Variants in PHLPP2 observed in about 807,000 individuals in gnomAD.
PHLPP2 encodes the protein PH domain leucine-rich repeat-containing protein phosphatase 2.
PHLPP2 carries 66 observed loss-of-function variants against 124.9 expected under a neutral mutation model. That is an observed-to-expected ratio of 0.53 (90% CI 0.43 to 0.65). The LOEUF is 0.65. Among genes scored for constraint, PHLPP2 ranks in the 30% least tolerant of loss-of-function variants. PHLPP2 has a pLI of 0.00. For synonymous variants in PHLPP2, 681 were observed against 624.7 expected (o/e 1.09, Z -1.34); for missense variants, 1,685 against 1,600.4 (o/e 1.05, Z -0.90).
rs79869651 is a variant in PHLPP2, at chr16:71,721,866, T to C, written c.-7+2463A>G. Among the ~76,000 whole-genome samples the C allele has an allele frequency of 8.5e-3, 1,289 of 152,324 alleles. 7 individuals carry two copies. The highest frequency in any genetic ancestry group is 0.014 in the Non-Finnish European group (938 of 68,016). On this transcript the variant is annotated intron_variant, in intron 1 of 18. Coordinates refer to ENST00000568954, the MANE Select transcript of PHLPP2 (RefSeq NM_015020.3). Reference sequence around the variant, plus strand: ...TCTGGGGGCACATTTTGAAGGAAATTTTCCAGTATCCCAGGATAGATGGAA... The same window carrying C: ...TCTGGGGGCACATTTTGAAGGAAATCTTCCAGTATCCCAGGATAGATGGAA...
chr16:71,699,911 A>G (rs1225993764), intron 3 of PHLPP2, among the ~76,000 whole-genome samples: 1 of 152,158 alleles, frequency 6.6e-6, no homozygotes, highest in Non-Finnish European at 1.5e-5. Context: ...GCTACATCCC[A>G]CAAAGGGTGG....
At position 71,648,906 on chromosome 16, in the gene PHLPP2, A is replaced by C. The variant is rs1310768997; in HGVS notation, c.3956T>G (p.Phe1319Cys). 1 of 1,612,158 alleles carries C rather than the reference A, an allele frequency of 6.2e-7. No individual in the cohort carries two copies. The highest frequency in any genetic ancestry group is 1.3e-5 in the African/African-American group (1 of 74,850). Residue 1319 changes from phenylalanine to cysteine, a missense_variant, in exon 19 of 19, where the codon TTC becomes TGC. By Grantham distance (205) the Phe-to-Cys change is radical. Coordinates refer to ENST00000568954, the MANE Select transcript of PHLPP2 (RefSeq NM_015020.3). ...EEDRTEPPEE[F>C]DTAL The stretch of plus-strand genomic sequence containing the variant: ...GTGGGGCAGTCATAGTGCTGTGTCG[A>C]ACTCCTCCGGGGGCTCGGTCCGATC...
rs2044733077 is a variant in PHLPP2, at chr16:71,655,329, C to G, written c.2496G>C (p.Gln832His). ...DRNEELPRLLQCTMADVLLEE... is the reference protein window; with the variant it reads ...DRNEELPRLLHCTMADVLLEE... Reference sequence around the variant, plus strand: ...CTAAAAGCACATCTGCCATCGTACACTGCAGCAGGCGCGGGAGCTCCTCAT... The same window carrying G: ...CTAAAAGCACATCTGCCATCGTACAGTGCAGCAGGCGCGGGAGCTCCTCAT... The change falls in exon 17 of 19, where the codon CAG (glutamine) becomes CAC (histidine). Residue 832 changes from glutamine (Q) to histidine (H), a missense_variant. Gln to His is a conservative substitution (Grantham distance 24, BLOSUM62 0). Coordinates refer to ENST00000568954, the MANE Select transcript of PHLPP2 (RefSeq NM_015020.3). 6.2e-7 allele frequency: 1 copy of G among 1,613,926 alleles called. No individual in the cohort carries two copies. The highest frequency in any genetic ancestry group is 1.7e-5 in the Admixed American group (1 of 59,998).
intron 4 of PHLPP2, among the ~76,000 whole-genome samples, chr16:71,689,037 G>GT (rs1567622543): frequency 6.6e-6 from 1 of 152,038 alleles, no homozygotes; most frequent in Non-Finnish European, 1.5e-5. Flanking sequence ...GCATTAGGCC[G>GT]TAAGACTAAC....
chr16:71,683,793 C>T (rs1247197110), intron 5 of PHLPP2, among the ~76,000 whole-genome samples: 1 of 151,802 alleles, frequency 6.6e-6, no homozygotes, highest in African/African-American at 2.4e-5. Flanking sequence ...CTTTTCTTGT[C>T]TTTTGTTTTT....
chr16:71,685,424 T>C (rs1033072625), intron 4 of PHLPP2, among the ~76,000 whole-genome samples: 1 of 152,222 alleles, frequency 6.6e-6, no homozygotes, highest in Non-Finnish European at 1.5e-5. Context: ...CACTTACATC[T>C]TTTTGTCTGG....
Position 71,658,750 on chromosome 16 carries a change from G to A in PHLPP2, c.2051C>T (p.Pro684Leu). 2 of 1,614,088 alleles carry A rather than the reference G, an allele frequency of 1.2e-6. No homozygotes were observed. The highest frequency in any genetic ancestry group is 1.7e-6 in the Non-Finnish European group (2 of 1,180,012). ...NLSGNKLKTI[P>L]TTIANCKRLH... ...CCTTTTACAGTTTGCTATGGTTGTGGGAATGGTTTTAAGCTTGTTGCCACT... is the reference window on the plus strand; with the variant it reads ...CCTTTTACAGTTTGCTATGGTTGTGAGAATGGTTTTAAGCTTGTTGCCACT... Residue 684 changes from proline (P) to leucine (L), a missense_variant, in exon 14 of 19, where the codon CCC becomes CTC. Coordinates refer to ENST00000568954, the MANE Select transcript of PHLPP2 (RefSeq NM_015020.3).
rs538332256 is a variant in PHLPP2 at position 71,672,301 on chromosome 16, T to C, written c.1493A>G (p.Tyr498Cys). The C allele has an allele frequency of 2.0e-5, 33 of 1,613,724 alleles. No individual in the cohort carries two copies. The highest frequency in any genetic ancestry group is 2.0e-4 in the South Asian group (18 of 91,048). Residue 498 changes from tyrosine to cysteine, a missense_variant, in exon 10 of 19, where the codon TAT becomes TGT. Physicochemically the swap from Tyr to Cys is radical, Grantham distance 194 (BLOSUM62 -2). Coordinates refer to ENST00000568954, the MANE Select transcript of PHLPP2 (RefSeq NM_015020.3). ...SSNRLTAVNVYPVPSLLTFLD... is the reference protein window; with the variant it reads ...SSNRLTAVNVCPVPSLLTFLD... ...GAAAGTGAGCAGGCTGGGTACTGGATAGACGTTCACTGCTGTCAGCCCTAA... is the reference window on the plus strand; with the variant it reads ...GAAAGTGAGCAGGCTGGGTACTGGACAGACGTTCACTGCTGTCAGCCCTAA...
chr16:71,720,479 A>G (rs942362910), intron 1 of PHLPP2, among the ~76,000 whole-genome samples: 1 of 152,184 alleles, frequency 6.6e-6, no homozygotes, highest in African/African-American at 2.4e-5. Context: ...CAAAGGTGAT[A>G]TACTATTACA....
chr16:71,698,195 A>G (rs1267760714), intron 3 of PHLPP2, among the ~76,000 whole-genome samples: 1 of 152,136 alleles, frequency 6.6e-6, no homozygotes, highest in Non-Finnish European at 1.5e-5. Context: ...AGCACAGTGG[A>G]AGCCCTCACA....
At chr16:71,673,485 G>A (rs72799894) in intron 9 of PHLPP2, among the ~76,000 whole-genome samples, 16,502 of 152,056 alleles carry the variant, frequency 0.11, 1,325 homozygotes, top group South Asian at 0.38. Flanking sequence ...GTAAAGCAGA[G>A]TTCTTGACTT....
rs534810529 is a variant in PHLPP2, at chr16:71,713,868, A to G, written c.284+644T>C. 1.9e-4 allele frequency among the ~76,000 whole-genome samples: 29 copies of G among 151,682 alleles called. No homozygotes were observed. The South Asian group carries it at 2.5e-3, about 13-fold the overall frequency. ...TGGGTAGTTGGGGAATGAGGGACAG[A>G]AAAGTACTTCTCACTCTATACCCTT... is the stretch of plus-strand genomic sequence containing the variant. On this transcript the variant is annotated intron_variant, in intron 2 of 18. Transcript: ENST00000568954.
intron 6 of PHLPP2, 61 bp downstream of exon 6, chr16:71,681,690 A>G (rs2045000015): frequency 3.7e-6 from 5 of 1,345,382 alleles, no homozygotes; most frequent in Admixed American, 4.4e-5. Flanking sequence ...GGTAGAAGCC[A>G]TAAGATACTG....
rs112185530 is a variant in PHLPP2, at chr16:71,698,261, G to A, written c.418+4337C>T. ...CACTACTGGGGATGTAACTGACCCC[G>A]CAGCCATCTGGGATGAGCTGCTTCT... On this transcript the variant is annotated intron_variant, in intron 3 of 18. Transcript: ENST00000568954. Among the ~76,000 whole-genome samples the A allele has an allele frequency of 1.1e-4, 16 of 152,278 alleles. 1 individual carries two copies. Among genetic ancestry groups the A allele is most frequent in the African/African-American group, 2.2e-4 (9 of 41,556 alleles).
chr16:71,680,042 C>A (rs1274578429), intron 6 of PHLPP2, among the ~76,000 whole-genome samples: 1 of 151,494 alleles, frequency 6.6e-6, no homozygotes, highest in Non-Finnish European at 1.5e-5. Flanking sequence ...GACATTGCGC[C>A]ACTGCACTCC....
rs372040747 is a variant in PHLPP2, at chr16:71,648,766, G to A, written c.*124C>T. 9.7e-5 allele frequency: 72 copies of A among 744,610 alleles called. 1 individual carries two copies. Among genetic ancestry groups the A allele is most frequent in the East Asian group, 4.7e-4 (19 of 40,180 alleles). 46.1% of individuals were successfully genotyped at this position (744,610 alleles called of 1,614,324 possible). On this transcript the variant is annotated 3_prime_UTR_variant, in exon 19 of 19. Coordinates refer to ENST00000568954, the MANE Select transcript of PHLPP2 (RefSeq NM_015020.3). Reference sequence around the variant, plus strand: ...AGCCTGAGCGACTGAGCAAGACTCCGTCTCAAAACAAACAAACAAAAAAAA... The same window carrying A: ...AGCCTGAGCGACTGAGCAAGACTCCATCTCAAAACAAACAAACAAAAAAAA...
intron 2 of PHLPP2, among the ~76,000 whole-genome samples, chr16:71,708,892 G>C (rs1041933039): frequency 6.6e-6 from 1 of 152,158 alleles, no homozygotes; most frequent in Non-Finnish European, 1.5e-5. Flanking sequence ...AGGAGGTCAA[G>C]GTTGTAGTGT....
At chr16:71,653,671 GA>G (rs1279025181) in intron 17 of PHLPP2, among the ~76,000 whole-genome samples, 3 of 152,140 alleles carry the variant, frequency 2.0e-5, no homozygotes, top group Non-Finnish European at 4.4e-5. Flanking sequence ...ATTTCTCCAG[GA>G]AATTTCTCTG....
At position 71,681,717 on chromosome 16, in the gene PHLPP2, A is replaced by G; in HGVS notation, c.890+34T>C. ...AAGATACTGATTATGAGTTGGTTTTAACAGGTTAGTCTGGAAACCCATTCT... is the reference window on the plus strand; with the variant it reads ...AAGATACTGATTATGAGTTGGTTTTGACAGGTTAGTCTGGAAACCCATTCT... On this transcript the variant is annotated intron_variant, in intron 6 of 18. Coordinates refer to ENST00000568954, the MANE Select transcript of PHLPP2 (RefSeq NM_015020.3). 5 of 1,552,598 alleles carry G rather than the reference A, an allele frequency of 3.2e-6. 1 individual carries two copies. In the South Asian group the frequency reaches 6.1e-5, roughly 19 times the overall value.
Sources: allele counts gnomAD v4.1 joint callset (sites outside exome capture counted in the v4.1 genomes callset), GRCh38; gene constraint gnomAD v4.1.1; transcripts MANE v1.5; gene names NCBI Gene and HGNC (gene_info 2026-07-23, HGNC 2026-07-21).